THEMIS: variants seen among roughly 807,000 people sequenced by gnomAD.
The protein encoded by THEMIS is protein THEMIS.
THEMIS carries 37 observed loss-of-function variants against 52.6 expected under a neutral mutation model. The ratio of observed to expected loss-of-function variants is 0.70; its 90% CI spans 0.54 to 0.93. THEMIS has a LOEUF of 0.93. Ranked by LOEUF, THEMIS falls within the 40% of genes least tolerant of loss-of-function variation. The pLI, the probability that THEMIS is intolerant of heterozygous loss-of-function variation, is 0.00. For missense variants in THEMIS, 808 were observed against 763.1 expected, an observed-to-expected ratio of 1.06 and a Z score of -0.69; for synonymous variants, 292 against 272.7, an observed-to-expected ratio of 1.07 and a Z score of -0.70.
chr6:127,845,513 C>G (rs1390893293), intron 2 of THEMIS, among the ~76,000 whole-genome samples: 1 of 151,534 alleles, frequency 6.6e-6, no homozygotes, highest in Non-Finnish European at 1.5e-5. Flanking sequence ...AACTAACAAC[C>G]TGTAATCACG....
At chr6:127,887,209 T>C (rs1470034708) in intron 1 of THEMIS, among the ~76,000 whole-genome samples, 5 of 151,902 alleles carry the variant, frequency 3.3e-5, no homozygotes, top group Admixed American at 6.6e-5. Flanking sequence ...CAATTAAAAA[T>C]GGGTGAATGA....
At chr6:127,873,853 A>G (rs1330739161) in intron 1 of THEMIS, among the ~76,000 whole-genome samples, 1 of 152,246 alleles carries the variant, frequency 6.6e-6, no homozygotes, top group Non-Finnish European at 1.5e-5. Context: ...ATCATAAGGA[A>G]TAGAAAATGC....
At chr6:127,849,947 G>A (rs1047695558) in intron 2 of THEMIS, among the ~76,000 whole-genome samples, 1 of 152,074 alleles carries the variant, frequency 6.6e-6, no homozygotes, top group Non-Finnish European at 1.5e-5. Flanking sequence ...AGAGTAAACA[G>A]ACAACCCACA....
intron 1 of THEMIS, among the ~76,000 whole-genome samples, chr6:127,876,127 G>A (rs1780306488): frequency 6.6e-6 from 1 of 152,184 alleles, no homozygotes; most frequent in South Asian, 2.1e-4. Flanking sequence ...CATTGTTATT[G>A]TAAGAAATTT....
chr6:127,735,318 CGTGTGTGT>C (rs147119256), intron 4 of THEMIS, among the ~76,000 whole-genome samples: 2 of 140,870 alleles, frequency 1.4e-5, no homozygotes, highest in Non-Finnish European at 3.1e-5. Flanking sequence ...GGCGTGTGTG[CGTGTGTGT>C]GTGTGTGTGT....
intron 1 of THEMIS, among the ~76,000 whole-genome samples, chr6:127,870,534 G>A (rs751224496): frequency 9.9e-5 from 15 of 151,986 alleles, no homozygotes; most frequent in Non-Finnish European, 1.3e-4. Flanking sequence ...ATTTAAATAC[G>A]TTTTTTTAAA....
At chr6:127,903,737 GA>G (rs752486359), upstream of THEMIS, among the ~76,000 whole-genome samples, 439 of 134,576 alleles carry the variant, frequency 3.3e-3, no homozygotes, top group South Asian at 5.3e-3. Flanking sequence ...GAACAAAATA[GA>G]AAAAAAAAAA....
chr6:127,830,094 G>A (rs537415739), intron 2 of THEMIS, among the ~76,000 whole-genome samples, 160 bp from the exon 3 acceptor site: 1 of 152,108 alleles, frequency 6.6e-6, no homozygotes, highest in Non-Finnish European at 1.5e-5. Context: ...AGTTCTTCTA[G>A]GTAAAATTAT....
At chr6:127,768,661 C>T (rs892455103) in intron 4 of THEMIS, among the ~76,000 whole-genome samples, 4 of 152,144 alleles carry the variant, frequency 2.6e-5, no homozygotes, top group Admixed American at 6.5e-5. Context: ...TCAGACAGCA[C>T]AATTAGCTGA....
chr6:127,724,241 C>G (rs533083306), intron 4 of THEMIS, among the ~76,000 whole-genome samples: 1 of 152,062 alleles, frequency 6.6e-6, no homozygotes, highest in Non-Finnish European at 1.5e-5. Context: ...AGAAATCATG[C>G]AGAACTGTAT....
rs1777974478 is a variant in THEMIS at position 127,813,096 on chromosome 6, T to C, written c.1545A>G (p.Leu515=). ...PVGRLNMTVQ[L]VSNFSRDAEP... is the part of the protein sequence containing the mutation. ...CTGCATCCCTAGAGAAATTACTAAC[T>C]AACTGAACAGTCATATTCAAGCGGC... The change falls in exon 4 of 6, where the codon TTA becomes TTG. Residue 515 remains leucine (L), a synonymous_variant. Transcript: ENST00000368248. 1.2e-6 allele frequency: 2 copies of C among 1,613,978 alleles called. No homozygotes were observed. Among genetic ancestry groups the C allele is most frequent in the Admixed American group, 1.7e-5 (1 of 59,978 alleles).
chr6:127,828,815 A>T (rs1450132153), intron 3 of THEMIS, among the ~76,000 whole-genome samples: 2 of 152,072 alleles, frequency 1.3e-5, no homozygotes, highest in African/African-American at 4.8e-5. Context: ...TTAGCTGAAC[A>T]TGGTGGCGGG....
intron 4 of THEMIS, among the ~76,000 whole-genome samples, chr6:127,736,129 A>G (rs939145533): frequency 4.6e-5 from 7 of 152,140 alleles, no homozygotes. Context: ...TTTTTTACCT[A>G]TATCTGAAAT....
At chr6:127,735,716 GTTC>G (rs1416250997) in intron 4 of THEMIS, among the ~76,000 whole-genome samples, 1 of 152,174 alleles carries the variant, frequency 6.6e-6, no homozygotes, top group Non-Finnish European at 1.5e-5. Flanking sequence ...TGCCAGGGCA[GTTC>G]TTCTGAATTT....
chr6:127,890,412 G>T (rs1024749595), intron 1 of THEMIS, among the ~76,000 whole-genome samples: 1 of 152,136 alleles, frequency 6.6e-6, no homozygotes. Context: ...GAGTAGAATG[G>T]TGGTTACCAG....
chr6:127,843,240 T>C (rs1356677399), intron 2 of THEMIS, among the ~76,000 whole-genome samples: 1 of 151,976 alleles, frequency 6.6e-6, no homozygotes. Flanking sequence ...AATTCCTTAT[T>C]ATGGCATTAA....
intron 4 of THEMIS, among the ~76,000 whole-genome samples, chr6:127,720,228 T>G (rs981444202): frequency 6.6e-6 from 1 of 151,984 alleles, no homozygotes; most frequent in Non-Finnish European, 1.5e-5. Context: ...TTCTGTATCA[T>G]CTGTACTCTT....
intron 1 of THEMIS, among the ~76,000 whole-genome samples, chr6:127,891,572 A>C (rs543255360): frequency 6.6e-6 from 1 of 151,808 alleles, no homozygotes; most frequent in East Asian, 1.9e-4. Flanking sequence ...AAACAAAGAA[A>C]AAGAAAGTCC....
intron 1 of THEMIS, among the ~76,000 whole-genome samples, chr6:127,900,226 C>T (rs1356954939): frequency 6.6e-5 from 10 of 151,704 alleles, no homozygotes; most frequent in Admixed American, 6.6e-4. Flanking sequence ...TGAGTTACAC[C>T]AAAACTCACT....
Sources: allele counts gnomAD v4.1 joint callset (sites outside exome capture counted in the v4.1 genomes callset), GRCh38; gene constraint gnomAD v4.1.1; transcripts MANE v1.5; gene names NCBI Gene and HGNC (gene_info 2026-07-23, HGNC 2026-07-21).